MTA3: variants seen among roughly 807,000 people sequenced by gnomAD.
The protein encoded by MTA3 is metastasis associated 1 family member 3.
Under a neutral mutation model 83.5 loss-of-function variants are expected in MTA3, and 34 were observed. That is an observed-to-expected ratio of 0.41 (90% CI 0.31 to 0.54). The LOEUF (loss-of-function observed/expected upper bound fraction) is 0.54, where lower values mean the gene tolerates loss of function less well. Ranked by LOEUF, MTA3 falls within the 20% of genes least tolerant of loss-of-function variation. The pLI is 0.33. For synonymous variants in MTA3, 303 were observed against 252.7 expected, an observed-to-expected ratio of 1.20 and a Z score of -1.89; for missense variants, 761 against 726.4, an observed-to-expected ratio of 1.05 and a Z score of -0.55.
intron 2 of MTA3, among the ~76,000 whole-genome samples, chr2:42,571,242 C>G (rs1678444111): frequency 6.6e-6 from 1 of 151,052 alleles, no homozygotes; most frequent in Non-Finnish European, 1.5e-5. Context: ...TAAAAAAGTA[C>G]AAAAAAATTA....
At chr2:42,534,671 C>T (rs1216190817) in intron 2 of MTA3, among the ~76,000 whole-genome samples, 1 of 152,144 alleles carries the variant, frequency 6.6e-6, no homozygotes, top group African/African-American at 2.4e-5. Flanking sequence ...CAACTCAGAA[C>T]TTTATTTCTC....
intron 4 of MTA3, among the ~76,000 whole-genome samples, chr2:42,631,636 A>G (rs528224891): frequency 1.3e-5 from 2 of 152,286 alleles, no homozygotes; most frequent in African/African-American, 2.4e-5. Flanking sequence ...TCAAGCATTC[A>G]TACTTTGTGT....
At chr2:42,657,977 C>T (rs1325960085) in intron 7 of MTA3, among the ~76,000 whole-genome samples, 2 of 135,664 alleles carry the variant, frequency 1.5e-5, no homozygotes, top group Admixed American at 1.7e-4. Context: ...GAGACTGAGG[C>T]GGGAAAATTG....
chr2:42,622,207 A>T (rs927900640), intron 4 of MTA3, among the ~76,000 whole-genome samples: 1 of 152,204 alleles, frequency 6.6e-6, no homozygotes, highest in Non-Finnish European at 1.5e-5. Context: ...GCTGGAGACC[A>T]GCCCGGCCAA....
intron 2 of MTA3, among the ~76,000 whole-genome samples, chr2:42,503,736 G>T (rs1204592956): frequency 6.6e-6 from 1 of 152,132 alleles, no homozygotes; most frequent in Non-Finnish European, 1.5e-5. Context: ...AAAGCCAGGT[G>T]TGGTAGTGTG....
chr2:42,719,171 C>G, intron 15 of MTA3, 97 bp downstream of exon 15: 1 of 886,790 alleles, frequency 1.1e-6, no homozygotes, highest in Non-Finnish European at 1.8e-6. Context: ...CTAATTCAGG[C>G]CCTTCAAATA....
intron 16 of MTA3, among the ~76,000 whole-genome samples, chr2:42,731,609 A>G (rs976619974): frequency 1.3e-5 from 2 of 152,156 alleles, no homozygotes; most frequent in African/African-American, 4.8e-5. Context: ...CTCCCACAAC[A>G]CATGGGAATT....
chr2:42,677,675 C>G (rs1020877335), intron 8 of MTA3, among the ~76,000 whole-genome samples: 2 of 152,156 alleles, frequency 1.3e-5, no homozygotes, highest in African/African-American at 4.8e-5. Flanking sequence ...GTTCCCTGCA[C>G]AACCTCTTGC....
In MTA3 at chr2:42,628,206, TTTTATTTATTTATTTA is replaced by T. The variant is rs144338385; in HGVS notation, c.318-11943_318-11928del. ...GGTTCTTTTAATTTTCTTCTTATCGTTTTATTTATTTATTTATTTATTTATTTATTTATTTATTTTT... is the reference window on the plus strand; with the variant it reads ...GGTTCTTTTAATTTTCTTCTTATCGTTTTATTTATTTATTTATTTATTTTT... On this transcript the variant is annotated intron_variant, in intron 4 of 16. Coordinates refer to ENST00000405094, the MANE Select transcript of MTA3 (RefSeq NM_001330442.2). 1.0e-3 allele frequency among the ~76,000 whole-genome samples: 145 copies of T among 142,596 alleles called. 3 individuals carry two copies. In the East Asian group the frequency reaches 0.017, roughly 17 times the overall value. The allele number at this position is 142,596 out of a possible 152,430, so 93.5% of individuals were successfully genotyped here.
In MTA3 at chr2:42,746,575, G is replaced by A. The variant is rs532303949; in HGVS notation, c.1760-6799G>A. Among the ~76,000 whole-genome samples, 12 of 152,298 alleles carry A rather than the reference G, an allele frequency of 7.9e-5. No individual in the cohort carries two copies. In the South Asian group the frequency reaches 1.7e-3, roughly 21 times the overall value. On this transcript the variant is annotated intron_variant, in intron 16 of 16. Coordinates refer to ENST00000405094, the MANE Select transcript of MTA3 (RefSeq NM_001330442.2). ...CAAGACTGCCACCCGACTTCCAGTG[G>A]CATTCACAAGCCCCAGGCTGTTTTT...
intron 16 of MTA3, among the ~76,000 whole-genome samples, chr2:42,725,220 A>G (rs1008066914): frequency 2.6e-5 from 4 of 152,236 alleles, no homozygotes; most frequent in Non-Finnish European, 4.4e-5. Context: ...CTTGGCATGT[A>G]GTAGGTACTC....
At chr2:42,680,500 G>A (rs1691779118) in intron 8 of MTA3, among the ~76,000 whole-genome samples, 3 of 152,226 alleles carry the variant, frequency 2.0e-5, no homozygotes, top group African/African-American at 7.2e-5. Flanking sequence ...TTAAGTTTAT[G>A]TGTTAGAAAG....
intron 2 of MTA3, among the ~76,000 whole-genome samples, chr2:42,523,209 C>G (rs541702658): frequency 1.3e-5 from 2 of 152,090 alleles, no homozygotes; most frequent in Non-Finnish European, 2.9e-5. Context: ...AGTTGACTTC[C>G]CTGCCACCAT....
Position 42,576,639 on chromosome 2 carries a change from G to A in MTA3, c.97-2468G>A, listed in dbSNP as rs186657827. 1.3e-4 allele frequency among the ~76,000 whole-genome samples: 20 copies of A among 152,158 alleles called. No homozygotes were observed. The East Asian group carries it at 2.7e-3, about 21-fold the overall frequency. ...AACAAGGCCAGATATGGTGGCTCAC[G>A]CCTGTAATCCCAGGACTTCGGGAGG... On this transcript the variant is annotated intron_variant, in intron 2 of 16. Transcript: ENST00000405094.
chr2:42,546,586 T>A (rs1478603434), intron 2 of MTA3, among the ~76,000 whole-genome samples: 1 of 152,132 alleles, frequency 6.6e-6, no homozygotes, highest in Non-Finnish European at 1.5e-5. Context: ...AGTTGGTCAC[T>A]TTTTTCTAGT....
intron 8 of MTA3, among the ~76,000 whole-genome samples, chr2:42,666,086 G>GATGGT (rs1690205364): frequency 2.0e-5 from 3 of 152,140 alleles, no homozygotes; most frequent in Non-Finnish European, 4.4e-5. Context: ...GACCATCCTG[G>GATGGT]CTAACACGGT....
intron 2 of MTA3, among the ~76,000 whole-genome samples, chr2:42,524,214 A>G (rs576771976): frequency 3.7e-4 from 57 of 152,146 alleles, no homozygotes; most frequent in Admixed American, 2.8e-3. Flanking sequence ...TTCCCCTGGT[A>G]AAATTCCTGT....
At chr2:42,667,590 G>GTGTT (rs1558562298) in intron 8 of MTA3, among the ~76,000 whole-genome samples, 29 of 130,726 alleles carry the variant, frequency 2.2e-4, no homozygotes, top group African/African-American at 8.7e-4. Flanking sequence ...GTGTGTGTGT[G>GTGTT]TGTGTGTGTG....
In MTA3 at chr2:42,756,419, G is replaced by T; in HGVS notation, c.*3020G>T. 1.0e-6 allele frequency: 1 copy of T among 976,980 alleles called. No homozygotes were observed. Among genetic ancestry groups the T allele is most frequent in the Non-Finnish European group, 1.2e-6 (1 of 822,270 alleles). 60.5% of individuals were successfully genotyped at this position (976,980 alleles called of 1,614,324 possible). On this transcript the variant is annotated 3_prime_UTR_variant, in exon 17 of 17. Transcript: ENST00000405094. ...GGAGCCTGGGACAGGCGACCCACCG[G>T]GTCAGTCCCCTGCCACTCAGAGCAG...
Sources: allele counts gnomAD v4.1 joint callset (sites outside exome capture counted in the v4.1 genomes callset), GRCh38; gene constraint gnomAD v4.1.1; transcripts MANE v1.5; gene names NCBI Gene and HGNC (gene_info 2026-07-23, HGNC 2026-07-21).